Variants in PAQR8 observed in about 807,000 individuals in gnomAD.
The protein encoded by PAQR8 is membrane progestin receptor beta.
A neutral mutation model predicts 25.2 loss-of-function variants in PAQR8; 17 were observed. The observed-to-expected ratio is 0.67, with a 90% CI of 0.46 to 1.01. The LOEUF (loss-of-function observed/expected upper bound fraction) is 1.01. Among genes scored for constraint, PAQR8 ranks in the 50% least tolerant of loss-of-function variants. The pLI is 0.00. For missense variants in PAQR8, 392 were observed against 448.4 expected (o/e 0.87, Z 1.14); for synonymous variants, 204 against 190.6 (o/e 1.07, Z -0.58).
rs112226784 is a variant in PAQR8, at chr6:52,370,815, A to G, written c.-53+8566A>G. ...TATCACTTGGCACCACTTCACATGTATGTGTGTGTGTGTTTACTCCCTATC... is the reference window on the plus strand; with the variant it reads ...TATCACTTGGCACCACTTCACATGTGTGTGTGTGTGTGTTTACTCCCTATC... On this transcript the variant is annotated intron_variant, in intron 1 of 1. Coordinates refer to ENST00000442253, the MANE Select transcript of PAQR8 (RefSeq NM_133367.5). Among the ~76,000 whole-genome samples, 469 of 152,182 alleles carry G rather than the reference A, an allele frequency of 3.1e-3. 2 individuals are homozygous for G. Among genetic ancestry groups the G allele is most frequent in the African/African-American group, 8.1e-3 (337 of 41,538 alleles).
Position 52,375,429 on chromosome 6 carries a change from A to T in PAQR8, c.-53+13180A>T, listed in dbSNP as rs190818484. On this transcript the variant is annotated intron_variant, in intron 1 of 1. Coordinates refer to ENST00000442253, the MANE Select transcript of PAQR8 (RefSeq NM_133367.5). ...CATATTAGGTCCCTAACAGCTAGGG[A>T]GCAGATCTCCTCATTCATTGACATT... Among the ~76,000 whole-genome samples the T allele has an allele frequency of 1.1e-4, 17 of 152,312 alleles. No homozygotes were observed. The East Asian group carries it at 2.7e-3, about 24-fold the overall frequency.
At chr6:52,390,979 ATGTT>A (rs961671745) in intron 1 of PAQR8, among the ~76,000 whole-genome samples, 2 of 152,214 alleles carry the variant, frequency 1.3e-5, no homozygotes, top group African/African-American at 4.8e-5. Context: ...AAAGTAGTAA[ATGTT>A]TGTTGTTAAA....
intron 1 of PAQR8, among the ~76,000 whole-genome samples, chr6:52,401,470 G>A (rs1242527444): frequency 6.6e-6 from 1 of 152,150 alleles, no homozygotes; most frequent in Non-Finnish European, 1.5e-5. Context: ...TGAAATAATT[G>A]CTGTATTCGT....
At chr6:52,367,235 A>G (rs1763364503) in intron 1 of PAQR8, among the ~76,000 whole-genome samples, 1 of 150,188 alleles carries the variant, frequency 6.7e-6, no homozygotes. Flanking sequence ...GCCCCGCACA[A>G]CAAACAGTTA....
In PAQR8 at chr6:52,404,250, A is replaced by G. The variant is rs1489910686; in HGVS notation, c.1037A>G (p.Lys346Arg). 1 of 1,602,612 alleles carries G rather than the reference A, an allele frequency of 6.2e-7. No individual in the cohort carries two copies. The highest frequency in any genetic ancestry group is 8.5e-7 in the Non-Finnish European group (1 of 1,170,776). Reference protein sequence around the residue: ...ATAALLRHKVKARLTKKDS With the variant: ...ATAALLRHKVRARLTKKDS ...GCAGCCCTTCTGAGGCACAAAGTCA[A>G]GGCCAGACTGACCAAGAAAGATTCC... is the stretch of plus-strand genomic sequence containing the variant. Residue 346 changes from lysine to arginine, a missense_variant, in exon 2 of 2, where the codon AAG becomes AGG. Physicochemically the swap from Lys to Arg is conservative, Grantham distance 26. Coordinates refer to ENST00000442253, the MANE Select transcript of PAQR8 (RefSeq NM_133367.5).
chr6:52,383,522 G>A (rs948740817), intron 1 of PAQR8, among the ~76,000 whole-genome samples: 1 of 151,694 alleles, frequency 6.6e-6, no homozygotes, highest in South Asian at 2.1e-4. Flanking sequence ...TTAGCCGGGC[G>A]TGGTGGCGGG....
chr6:52,367,230 G>A (rs984304861), intron 1 of PAQR8, among the ~76,000 whole-genome samples: 2 of 152,060 alleles, frequency 1.3e-5, no homozygotes, highest in South Asian at 2.1e-4. Flanking sequence ...GGACAGCCCC[G>A]CACAACAAAC....
At chr6:52,381,682 T>C (rs1357848018) in intron 1 of PAQR8, among the ~76,000 whole-genome samples, 1 of 152,252 alleles carries the variant, frequency 6.6e-6, no homozygotes, top group African/African-American at 2.4e-5. Flanking sequence ...CCACCCAATG[T>C]TTGATTTCTT....
At chr6:52,367,561 G>A (rs116589160) in intron 1 of PAQR8, among the ~76,000 whole-genome samples, 1 of 152,204 alleles carries the variant, frequency 6.6e-6, no homozygotes, top group Non-Finnish European at 1.5e-5. Context: ...TGTACAGAAA[G>A]AATTCAGGTT....
chr6:52,401,635 T>C (rs757899147), intron 1 of PAQR8, among the ~76,000 whole-genome samples: 5 of 152,168 alleles, frequency 3.3e-5, no homozygotes, highest in Non-Finnish European at 7.3e-5. Flanking sequence ...TGAGATTTTA[T>C]GTTAAATTTA....
intron 1 of PAQR8, among the ~76,000 whole-genome samples, chr6:52,395,574 T>A (rs191035286): frequency 6.6e-6 from 1 of 152,220 alleles, no homozygotes; most frequent in African/African-American, 2.4e-5. Flanking sequence ...AGTATTATGA[T>A]GATTCCCAGG....
intron 1 of PAQR8, among the ~76,000 whole-genome samples, chr6:52,391,220 A>G (rs533262556): frequency 1.3e-5 from 2 of 152,348 alleles, no homozygotes; most frequent in South Asian, 4.1e-4. Context: ...AGAATGTACA[A>G]TGTGCTAGTC....
In PAQR8 at chr6:52,407,515, A is replaced by G. The variant is rs1297; in HGVS notation, c.*3237A>G. ...TGCCTGTGTTGCCCACCTGTTCACA[A>G]AAAGTACCTTTATGCTTGAAAACAT... On this transcript the variant is annotated 3_prime_UTR_variant, in exon 2 of 2. Coordinates refer to ENST00000442253, the MANE Select transcript of PAQR8 (RefSeq NM_133367.5). The G allele has an allele frequency of 0.14, 22,820 of 166,912 alleles. 1,661 individuals are homozygous for G. Among genetic ancestry groups the G allele is most frequent in the Middle Eastern group, 0.24 (71 of 296 alleles). 10.3% of individuals were successfully genotyped at this position (166,912 alleles called of 1,614,324 possible). A position where few individuals can be genotyped will look rare whatever the true frequency, so the allele number is the denominator to read the frequency against.
At chr6:52,369,972 G>A (rs2113934349) in intron 1 of PAQR8, among the ~76,000 whole-genome samples, 1 of 152,286 alleles carries the variant, frequency 6.6e-6, no homozygotes, top group Admixed American at 6.5e-5. Flanking sequence ...CTGAAACCAG[G>A]TGGCATTTCA....
At chr6:52,378,371 T>C (rs1763509819) in intron 1 of PAQR8, among the ~76,000 whole-genome samples, 1 of 152,268 alleles carries the variant, frequency 6.6e-6, no homozygotes. Flanking sequence ...TGGAAGAAGC[T>C]TGATTCTCTT....
rs1199218949 is a variant in PAQR8, at chr6:52,406,557, A to AC, written c.*2279_*2280insC. The AC allele has an allele frequency of 3.7e-5, 15 of 401,888 alleles. No individual in the cohort carries two copies. The highest frequency in any genetic ancestry group is 1.3e-4 in the South Asian group (1 of 7,674). The allele number at this position is 401,888 out of a possible 1,614,324, so 24.9% of individuals were successfully genotyped here. On this transcript the variant is annotated 3_prime_UTR_variant, in exon 2 of 2. Coordinates refer to ENST00000442253, the MANE Select transcript of PAQR8 (RefSeq NM_133367.5). ...GTATTGGCCCCTCAAGTGGTTGGAA[A>AC]TTTTTTTTTTAATCTCTTTTTCTGA...
chr6:52,390,352 CAG>C (rs775558785), intron 1 of PAQR8, among the ~76,000 whole-genome samples: 26 of 152,148 alleles, frequency 1.7e-4, no homozygotes, highest in Non-Finnish European at 3.1e-4. Flanking sequence ...AAAAGGCACT[CAG>C]AGGAAATTTG....
intron 1 of PAQR8, among the ~76,000 whole-genome samples, chr6:52,371,699 A>G (rs1269279663): frequency 6.6e-6 from 1 of 152,246 alleles, no homozygotes; most frequent in East Asian, 1.9e-4. Context: ...AAAGCATACA[A>G]AGACATAAAA....
chr6:52,390,168 C>A (rs946387644), intron 1 of PAQR8, among the ~76,000 whole-genome samples: 1 of 152,204 alleles, frequency 6.6e-6, no homozygotes, highest in African/African-American at 2.4e-5. Context: ...TTCTCCCACT[C>A]GACAGATTAA....
Sources: allele counts gnomAD v4.1 joint callset (sites outside exome capture counted in the v4.1 genomes callset), GRCh38; gene constraint gnomAD v4.1.1; transcripts MANE v1.5; gene names NCBI Gene and HGNC (gene_info 2026-07-23, HGNC 2026-07-21).